Variants in MAB21L4 observed in about 807,000 individuals in gnomAD.
MAB21L4 encodes protein mab-21-like 4.
MAB21L4 carries 25 observed loss-of-function variants against 32.4 expected under a neutral mutation model. That is an observed-to-expected ratio of 0.77 (90% confidence interval 0.56 to 1.08). The LOEUF (loss-of-function observed/expected upper bound fraction) is 1.08. Ranked by LOEUF, MAB21L4 falls within the 50% of genes least tolerant of loss-of-function variation. The pLI, the probability that MAB21L4 is intolerant of heterozygous loss-of-function variation, is 0.00. For missense variants in MAB21L4, 638 were observed against 611.0 expected (o/e 1.04, Z -0.47); for synonymous variants, 280 against 276.8 (o/e 1.01, Z -0.11).
At chr2:240,896,569 T>C (rs1214941842), upstream of MAB21L4, among the ~76,000 whole-genome samples, 1 of 152,102 alleles carries the variant, frequency 6.6e-6, no homozygotes, top group Non-Finnish European at 1.5e-5. Context: ...CAGACCCCGC[T>C]GTGGGGGAGC....
intron 3 of MAB21L4, 40 bp downstream of exon 3, chr2:240,889,964 GC>G (rs1559577312): frequency 3.7e-5 from 58 of 1,577,282 alleles, no homozygotes; most frequent in Non-Finnish European, 4.9e-5. Context: ...CTACCCCTGG[GC>G]CCTGGTGACA....
intron 4 of MAB21L4, 45 bp downstream of exon 4, chr2:240,888,247 C>T: frequency 6.2e-6 from 9 of 1,445,200 alleles, no homozygotes; most frequent in Non-Finnish European, 8.3e-6. Context: ...ATTCCACCCT[C>T]CCATGCCCCC....
At chr2:240,893,291 C>G (rs964019295) in intron 1 of MAB21L4, among the ~76,000 whole-genome samples, 1 of 152,322 alleles carries the variant, frequency 6.6e-6, no homozygotes, top group East Asian at 1.9e-4. Flanking sequence ...CACAATCTCC[C>G]GTGGGGCAGT....
chr2:240,890,085 G>C lies in MAB21L4; in HGVS notation c.814C>G (p.Leu272Val). The change falls in exon 3 of 5, where the codon CTC (leucine) becomes GTC (valine). Residue 272 changes from leucine (L) to valine (V), a missense_variant. By Grantham distance (32) the Leu-to-Val change is conservative. Transcript: ENST00000388934. ...GSLQGHRLDS[L>V]SILDRVNHES... ...TGGTTGACCCGGTCGAGGATGGAGAGGCTGTCCAGGCGATGACCCTGCAGG... is the reference window on the plus strand; with the variant it reads ...TGGTTGACCCGGTCGAGGATGGAGACGCTGTCCAGGCGATGACCCTGCAGG... 1 of 1,613,366 alleles carries C rather than the reference G, an allele frequency of 6.2e-7. No homozygotes were observed. The highest frequency in any genetic ancestry group is 8.5e-7 in the Non-Finnish European group (1 of 1,179,750).
chr2:240,890,081 G>T lies in MAB21L4; in HGVS notation c.818C>A (p.Ser273Tyr). Residue 273 changes from serine (S) to tyrosine (Y), a missense_variant, in exon 3 of 5, where the codon TCC becomes TAC. By Grantham distance (144) the Ser-to-Tyr change is moderately radical. Coordinates refer to ENST00000388934, the MANE Select transcript of MAB21L4 (RefSeq NM_001085437.3). ...CTCGTGGTTGACCCGGTCGAGGATGGAGAGGCTGTCCAGGCGATGACCCTG... is the reference window on the plus strand; with the variant it reads ...CTCGTGGTTGACCCGGTCGAGGATGTAGAGGCTGTCCAGGCGATGACCCTG... ...SLQGHRLDSLSILDRVNHESW... is the reference protein window; with the variant it reads ...SLQGHRLDSLYILDRVNHESW... 6.2e-7 allele frequency: 1 copy of T among 1,613,438 alleles called. No homozygotes were observed. Among genetic ancestry groups the T allele is most frequent in the Non-Finnish European group, 8.5e-7 (1 of 1,179,754 alleles).
rs1574725596 is a variant in MAB21L4, at chr2:240,891,419, G to A, written c.740+119C>T. On this transcript the variant is annotated intron_variant, in intron 2 of 4. Coordinates refer to ENST00000388934, the MANE Select transcript of MAB21L4 (RefSeq NM_001085437.3). ...TCTCAGTGGAACACACATGCCCATG[G>A]GGGCAGAGGCAGACGGAGGACCCTG... 8 of 912,812 alleles carry A rather than the reference G, an allele frequency of 8.8e-6. No homozygotes were observed. The East Asian group carries it at 1.7e-4, about 20-fold the overall frequency. 56.5% of individuals were successfully genotyped at this position (912,812 alleles called of 1,614,324 possible).
Position 240,895,913 on chromosome 2 carries a change from C to T in MAB21L4, c.85G>A (p.Glu29Lys), listed in dbSNP as rs1175271046. 1.3e-6 allele frequency: 2 copies of T among 1,518,092 alleles called. No homozygotes were observed. The highest frequency in any genetic ancestry group is 1.8e-6 in the Non-Finnish European group (2 of 1,133,162). The allele number at this position is 1,518,092 out of a possible 1,614,324, so 94.0% of individuals were successfully genotyped here. The change falls in exon 1 of 5, where the codon GAG becomes AAG. Residue 29 changes from glutamate to lysine, a missense_variant. Coordinates refer to ENST00000388934, the MANE Select transcript of MAB21L4 (RefSeq NM_001085437.3). ...TGGAAGTCCTGGGCACGCGGCGCCT[C>T]CCGGGACCGGATGGCCTGCAGGTAG... is the stretch of plus-strand genomic sequence containing the variant. Reference protein sequence around the residue: ...HHYLQAIRSREAPRAQDFQRA... With the variant: ...HHYLQAIRSRKAPRAQDFQRA...
chr2:240,892,974 C>T (rs889867472), intron 1 of MAB21L4, among the ~76,000 whole-genome samples: 15 of 152,154 alleles, frequency 9.9e-5, no homozygotes, highest in African/African-American at 3.4e-4. Flanking sequence ...AAATTAATAT[C>T]CGAGAATGAA....
chr2:240,895,451 C>T, intron 1 of MAB21L4, 33 bp downstream of exon 1: 3 of 1,487,258 alleles, frequency 2.0e-6, no homozygotes, highest in Non-Finnish European at 2.7e-6. Context: ...TCGGTACACG[C>T]AGATACGCGT....
rs377523321 is a variant in MAB21L4 at position 240,891,646 on chromosome 2, G to A, written c.632C>T (p.Ala211Val). ...VVPVVRRKLG[A>V]PALEGVQQMP... ...CTGCTGCACCCCCTCCAGGGCAGGC[G>A]CCCCAAGCTTCCTTCTCACCACGGG... Residue 211 changes from alanine (A) to valine (V), a missense_variant, in exon 2 of 5, where the codon GCG becomes GTG. Physicochemically the swap from Ala to Val is moderately conservative, Grantham distance 64. Transcript: ENST00000388934. 5.0e-5 allele frequency: 81 copies of A among 1,608,790 alleles called. No homozygotes were observed. In the East Asian group the frequency reaches 1.2e-3, roughly 23 times the overall value.
At chr2:240,892,591 C>T (rs948536285) in intron 1 of MAB21L4, among the ~76,000 whole-genome samples, 3 of 151,926 alleles carry the variant, frequency 2.0e-5, no homozygotes, top group Admixed American at 1.3e-4. Context: ...CTGCCCAGGC[C>T]AGCAGGCTCA....
Position 240,895,897 on chromosome 2 carries a change from T to C in MAB21L4, c.101A>G (p.Gln34Arg). 4.6e-6 allele frequency: 7 copies of C among 1,529,942 alleles called. No individual in the cohort carries two copies. Among genetic ancestry groups the C allele is most frequent in the Non-Finnish European group, 6.2e-6 (7 of 1,137,314 alleles). 94.8% of individuals were successfully genotyped at this position (1,529,942 alleles called of 1,614,324 possible). The change falls in exon 1 of 5, where the codon CAG becomes CGG. Residue 34 changes from glutamine (Q) to arginine (R), a missense_variant. Gln to Arg is a conservative substitution (Grantham distance 43). Coordinates refer to ENST00000388934, the MANE Select transcript of MAB21L4 (RefSeq NM_001085437.3). ...AIRSREAPRA[Q>R]DFQRAENVLL... ...CACGTTCTCTGCGCGCTGGAAGTCC[T>C]GGGCACGCGGCGCCTCCCGGGACCG... is the stretch of plus-strand genomic sequence containing the variant.
chr2:240,893,964 G>A (rs1004161433), intron 1 of MAB21L4, among the ~76,000 whole-genome samples: 4 of 152,090 alleles, frequency 2.6e-5, no homozygotes, highest in Non-Finnish European at 4.4e-5. Flanking sequence ...GGTGAGGGCT[G>A]GCTGGGAGCA....
At chr2:240,888,892 GCA>G (rs2059120881) in intron 3 of MAB21L4, among the ~76,000 whole-genome samples, 5 of 150,508 alleles carry the variant, frequency 3.3e-5, no homozygotes, top group Admixed American at 6.7e-5. Flanking sequence ...TCTGGCCCTC[GCA>G]CCCCACCCCA....
intron 3 of MAB21L4, among the ~76,000 whole-genome samples, chr2:240,889,493 C>A (rs1344808695): frequency 6.6e-6 from 1 of 152,224 alleles, no homozygotes; most frequent in Admixed American, 6.5e-5. Flanking sequence ...GGTTGGAATC[C>A]CTGGCCCCTG....
At chr2:240,890,419 A>G (rs2059134740) in intron 2 of MAB21L4, among the ~76,000 whole-genome samples, 5 of 152,192 alleles carry the variant, frequency 3.3e-5, no homozygotes. Flanking sequence ...CTTTGTGTAG[A>G]CAGGAAGGTG....
Position 240,886,893 on chromosome 2 carries a change from C to T in MAB21L4, c.*177G>A. Reference sequence around the variant, plus strand: ...GGGAGGAGGTGCTCCAAGAGGCCTGCCCTGCCCCACCAGGCACTGAAAGAC... The same window carrying T: ...GGGAGGAGGTGCTCCAAGAGGCCTGTCCTGCCCCACCAGGCACTGAAAGAC... On this transcript the variant is annotated 3_prime_UTR_variant, in exon 5 of 5. Coordinates refer to ENST00000388934, the MANE Select transcript of MAB21L4 (RefSeq NM_001085437.3). 1.8e-6 allele frequency: 1 copy of T among 566,706 alleles called. No individual in the cohort carries two copies. Among genetic ancestry groups the T allele is most frequent in the Non-Finnish European group, 3.1e-6 (1 of 320,132 alleles). 35.1% of individuals were successfully genotyped at this position (566,706 alleles called of 1,614,324 possible).
intron 1 of MAB21L4, among the ~76,000 whole-genome samples, chr2:240,893,327 TCA>T (rs1418021813): frequency 4.6e-5 from 7 of 152,170 alleles, no homozygotes; most frequent in Non-Finnish European, 7.4e-5. Context: ...GGGGCCCACC[TCA>T]GGGCAACCCT....
intron 2 of MAB21L4, among the ~76,000 whole-genome samples, chr2:240,890,404 C>G (rs369827396): frequency 6.6e-6 from 1 of 152,348 alleles, no homozygotes; most frequent in Admixed American, 6.5e-5. Flanking sequence ...CAGGCCAGTC[C>G]GGCCCTTTGT....
Sources: allele counts gnomAD v4.1 joint callset (sites outside exome capture counted in the v4.1 genomes callset), GRCh38; gene constraint gnomAD v4.1.1; transcripts MANE v1.5; gene names NCBI Gene and HGNC (gene_info 2026-07-23, HGNC 2026-07-21).